The following TDP1 variants were observed in gnomAD, a reference collection of about 807,000 sequenced individuals.
TDP1 encodes the protein tyrosyl-DNA phosphodiesterase 1.
Under a neutral mutation model 81.5 loss-of-function variants are expected in TDP1, and 64 were observed. The ratio of observed to expected loss-of-function variants is 0.79; its 90% confidence interval spans 0.64 to 0.97. The LOEUF is 0.97. Ranked by LOEUF, TDP1 falls within the 50% of genes least tolerant of loss-of-function variation. TDP1 has a pLI of 0.00. For missense variants in TDP1, 723 were observed against 743.8 expected, an observed-to-expected ratio of 0.97 and a Z score of 0.33; for synonymous variants, 256 against 264.3, an observed-to-expected ratio of 0.97 and a Z score of 0.30.
At chr14:89,989,382 A>C in intron 11 of TDP1, 2 of 985,300 alleles carry the variant, frequency 2.0e-6, no homozygotes, top group South Asian at 9.4e-5. Context: ...TGTTGAACCA[A>C]GGTAGAAAAT....
At chr14:89,963,709 T>C (rs1418696027) in intron 3 of TDP1, 36 bp downstream of exon 3, 3 of 1,611,494 alleles carry the variant, frequency 1.9e-6, no homozygotes, top group Admixed American at 3.3e-5. Context: ...GCTGTTGAAT[T>C]GCCCTTGAGA....
At chr14:90,039,089 GA>G (rs1250423891) in intron 16 of TDP1, among the ~76,000 whole-genome samples, 12 of 152,228 alleles carry the variant, frequency 7.9e-5, no homozygotes, top group Middle Eastern at 3.4e-3. Context: ...TGATTCTTTT[GA>G]AATAAATAAG....
At chr14:89,975,473 C>A in intron 6 of TDP1, 1 of 984,026 alleles carries the variant, frequency 1.0e-6, no homozygotes, top group Non-Finnish European at 1.2e-6. Context: ...ACTTGTTTTA[C>A]TAGTTTTTTG....
At chr14:89,957,162 G>C (rs1313680152) in intron 2 of TDP1, 2 of 152,082 alleles carry the variant, frequency 1.3e-5, no homozygotes, top group Non-Finnish European at 2.9e-5. Flanking sequence ...TACTTTTTAA[G>C]TATATTCCAA....
At chr14:89,972,841 G>C (rs866933100) in intron 6 of TDP1, among the ~76,000 whole-genome samples, 1 of 151,984 alleles carries the variant, frequency 6.6e-6, no homozygotes, top group Non-Finnish European at 1.5e-5. Flanking sequence ...TTTCCTTATC[G>C]TTAGCTTAGT....
At chr14:90,034,803 C>T (rs1469252353) in intron 16 of TDP1, among the ~76,000 whole-genome samples, 1 of 152,134 alleles carries the variant, frequency 6.6e-6, no homozygotes, top group African/African-American at 2.4e-5. Flanking sequence ...TCATTGATAC[C>T]CCAAAATCTC....
At chr14:89,980,724 T>C in intron 8 of TDP1, 92 bp downstream of exon 8, 1 of 1,110,834 alleles carries the variant, frequency 9.0e-7, no homozygotes, top group Non-Finnish European at 1.3e-6. Flanking sequence ...CTATTTTTTT[T>C]TTAAGTTGTA....
intron 8 of TDP1, chr14:89,983,138 A>C (rs1222474693): frequency 8.8e-6 from 4 of 455,888 alleles, no homozygotes; most frequent in Admixed American, 2.3e-5. Flanking sequence ...TGAATCTCTG[A>C]TCCAGGAGGA....
At chr14:90,009,032 T>C (rs1482813333) in intron 14 of TDP1, among the ~76,000 whole-genome samples, 1 of 152,230 alleles carries the variant, frequency 6.6e-6, no homozygotes, top group Non-Finnish European at 1.5e-5. Flanking sequence ...GTATACTTAT[T>C]TTTAACTCGA....
At chr14:90,006,591 C>A (rs1897713333) in intron 14 of TDP1, among the ~76,000 whole-genome samples, 2 of 152,016 alleles carry the variant, frequency 1.3e-5, no homozygotes, top group African/African-American at 4.8e-5. Context: ...GGCTGGAGTC[C>A]AATGGCATGA....
At chr14:90,041,757 T>C (rs36045057) in intron 16 of TDP1, among the ~76,000 whole-genome samples, 11,237 of 152,340 alleles carry the variant, frequency 0.074, 729 homozygotes, top group South Asian at 0.23. Flanking sequence ...ATCCTTGTGA[T>C]GTATTTACGG....
chr14:89,963,043 A>G, intron 2 of TDP1, 65 bp from the exon 3 acceptor site: 2 of 1,612,506 alleles, frequency 1.2e-6, no homozygotes, highest in Non-Finnish European at 1.7e-6. Context: ...GTTGAGAGCA[A>G]TAAAGTTATT....
At chr14:89,968,396 G>A (rs1042452462) in intron 5 of TDP1, among the ~76,000 whole-genome samples, 1 of 152,094 alleles carries the variant, frequency 6.6e-6, no homozygotes, top group East Asian at 1.9e-4. Context: ...TCGTGGCCCA[G>A]TATGGCAGCT....
chr14:89,996,074 T>C (rs564007752), intron 14 of TDP1, among the ~76,000 whole-genome samples: 48 of 152,306 alleles, frequency 3.2e-4, no homozygotes, highest in South Asian at 1.0e-3. Flanking sequence ...TTCCAGTCCT[T>C]GCAATTACCA....
intron 6 of TDP1, 85 bp from the exon 7 acceptor site, chr14:89,975,696 G>T: frequency 2.4e-6 from 3 of 1,244,954 alleles, no homozygotes; most frequent in South Asian, 1.2e-5. Flanking sequence ...AAAAAAAGTT[G>T]ACCTGATTGC....
intron 14 of TDP1, among the ~76,000 whole-genome samples, chr14:90,004,519 A>G (rs1897472944): frequency 1.3e-5 from 2 of 152,252 alleles, no homozygotes; most frequent in African/African-American, 4.8e-5. Flanking sequence ...AAACTAAAGC[A>G]TAGAGAGCTT....
chr14:89,976,656 C>G (rs1894376427), intron 7 of TDP1, among the ~76,000 whole-genome samples: 2 of 151,666 alleles, frequency 1.3e-5, no homozygotes, highest in African/African-American at 4.8e-5. Flanking sequence ...CCTGCCTCAG[C>G]CTCCCAAGTA....
intron 2 of TDP1, among the ~76,000 whole-genome samples, chr14:89,961,367 G>A (rs1001263175): frequency 1.3e-5 from 2 of 152,204 alleles, no homozygotes; most frequent in Admixed American, 6.5e-5. Flanking sequence ...AGTTAGTCAA[G>A]CATCTGGCAG....
intron 7 of TDP1, among the ~76,000 whole-genome samples, chr14:89,979,336 G>A (rs1006276196): frequency 1.3e-5 from 2 of 150,786 alleles, no homozygotes; most frequent in Non-Finnish European, 3.0e-5. Context: ...TTGAGACAGA[G>A]TTTCACTCTG....
Sources: allele counts gnomAD v4.1 joint callset (sites outside exome capture counted in the v4.1 genomes callset), GRCh38; gene constraint gnomAD v4.1.1; transcripts MANE v1.5; gene names NCBI Gene and HGNC (gene_info 2026-07-23, HGNC 2026-07-21).